The following NRG3 variants were observed in gnomAD, a reference collection of about 807,000 sequenced individuals.
NRG3 encodes the protein neuregulin 3, also known as pro-neuregulin-3, membrane-bound isoform.
Under a neutral mutation model 66.9 loss-of-function variants are expected in NRG3, and 31 were observed. The observed-to-expected ratio is 0.46, with a 90% CI of 0.35 to 0.63. The LOEUF (loss-of-function observed/expected upper bound fraction) is 0.63, where lower values mean the gene tolerates loss of function less well. Ranked by LOEUF, NRG3 falls within the 20% of genes least tolerant of loss-of-function variation. NRG3 has a pLI of 0.00. For synonymous variants in NRG3, 393 were observed against 359.4 expected (o/e 1.09, Z -1.06); for missense variants, 910 against 878.9 (o/e 1.04, Z -0.45).
chr10:82,523,530 A>T (rs1846405224), intron 2 of NRG3, among the ~76,000 whole-genome samples: 2 of 151,962 alleles, frequency 1.3e-5, no homozygotes. Flanking sequence ...TCTTTGGGTG[A>T]ATATCGATTC....
intron 1 of NRG3, among the ~76,000 whole-genome samples, chr10:82,102,139 T>TATATATATATGTGTGTATTC (rs1554825298): frequency 0.034 from 927 of 27,376 alleles, 52 homozygotes; most frequent in East Asian, 0.11. Context: ...TATTCATATA[T>TATATATATATGTGTGTATTC]ATATATATAT....
At chr10:82,818,171 G>T (rs1044007065) in intron 3 of NRG3, among the ~76,000 whole-genome samples, 1 of 152,216 alleles carries the variant, frequency 6.6e-6, no homozygotes, top group Non-Finnish European at 1.5e-5. Flanking sequence ...TAACTTCTGG[G>T]TGTTGCCATG....
At chr10:81,958,868 G>A (rs1850089540) in intron 1 of NRG3, among the ~76,000 whole-genome samples, 1 of 152,016 alleles carries the variant, frequency 6.6e-6, no homozygotes. Flanking sequence ...TCCAGCTGGG[G>A]CAACAGAGTG....
chr10:82,295,269 A>C (rs776041780), intron 1 of NRG3, among the ~76,000 whole-genome samples: 1 of 152,220 alleles, frequency 6.6e-6, no homozygotes. Flanking sequence ...TTTAAGATGT[A>C]GATGGGATTC....
At chr10:82,178,955 T>G (rs1346349070) in intron 1 of NRG3, among the ~76,000 whole-genome samples, 1 of 152,076 alleles carries the variant, frequency 6.6e-6, no homozygotes, top group African/African-American at 2.4e-5. Context: ...AAGTGATATC[T>G]CATTATAATT....
At chr10:82,519,127 T>C (rs1418099069) in intron 2 of NRG3, among the ~76,000 whole-genome samples, 9 of 152,182 alleles carry the variant, frequency 5.9e-5, no homozygotes, top group East Asian at 1.9e-4. Flanking sequence ...AGGTGGAGTT[T>C]ACATGGCAGG....
chr10:82,714,300 T>C (rs976355970), intron 2 of NRG3, among the ~76,000 whole-genome samples: 1 of 151,940 alleles, frequency 6.6e-6, no homozygotes, highest in Non-Finnish European at 1.5e-5. Context: ...ATACTCACCA[T>C]GTTAAAAAAA....
chr10:82,774,683 A>T, intron 3 of NRG3, among the ~76,000 whole-genome samples: 1 of 150,302 alleles, frequency 6.7e-6, no homozygotes, highest in African/African-American at 2.5e-5. Context: ...GTCTAGTTAG[A>T]TGTTTTTTGA....
chr10:82,610,619 T>C (rs1380427173), intron 2 of NRG3, among the ~76,000 whole-genome samples: 3 of 152,154 alleles, frequency 2.0e-5, no homozygotes, highest in African/African-American at 7.2e-5. Context: ...GTACCCCTAA[T>C]ACTTAAAGCA....
At chr10:82,443,816 G>T (rs2090567115) in intron 2 of NRG3, among the ~76,000 whole-genome samples, 1 of 152,178 alleles carries the variant, frequency 6.6e-6, no homozygotes, top group Non-Finnish European at 1.5e-5. Context: ...TGGGCCAGTT[G>T]TCTTCAAACC....
intron 2 of NRG3, among the ~76,000 whole-genome samples, chr10:82,707,095 C>A (rs1322321939): frequency 6.7e-6 from 1 of 148,274 alleles, no homozygotes; most frequent in Non-Finnish European, 1.5e-5. Flanking sequence ...AAAATGAATA[C>A]TTTTGTACTC....
intron 1 of NRG3, among the ~76,000 whole-genome samples, chr10:81,911,747 C>CA (rs777076264): frequency 6.7e-6 from 1 of 149,016 alleles, no homozygotes; most frequent in African/African-American, 2.5e-5. Context: ...ACACACACAC[C>CA]CCAAACCCGA....
At chr10:82,216,556 A>C (rs2075692129) in intron 1 of NRG3, among the ~76,000 whole-genome samples, 2 of 147,980 alleles carry the variant, frequency 1.4e-5, no homozygotes. Flanking sequence ...ATGTATACAT[A>C]TGTATGTATA....
chr10:82,358,727 T>C lies in NRG3; in HGVS notation c.824-12T>C. On this transcript the variant is annotated splice_polypyrimidine_tract_variant and intron_variant, in intron 1 of 8. Coordinates refer to ENST00000372141, the MANE Select transcript of NRG3 (RefSeq NM_001010848.4). ...CTGCTGACAGCGTTTCCCCCTGTGC[T>C]TTCCCTGACAGATACGACGACATAT... 6.2e-7 allele frequency: 1 copy of C among 1,614,066 alleles called. No individual in the cohort carries two copies. Among genetic ancestry groups the C allele is most frequent in the Non-Finnish European group, 8.5e-7 (1 of 1,179,970 alleles).
chr10:82,114,254 G>T (rs1463478364), intron 1 of NRG3, among the ~76,000 whole-genome samples: 3 of 151,942 alleles, frequency 2.0e-5, no homozygotes, highest in African/African-American at 4.8e-5. Context: ...ACACCTTTTG[G>T]CTATTATGAA....
intron 3 of NRG3, among the ~76,000 whole-genome samples, chr10:82,814,242 C>T (rs911289230): frequency 2.0e-5 from 3 of 152,176 alleles, no homozygotes; most frequent in Non-Finnish European, 4.4e-5. Context: ...TTTGTATACA[C>T]TATTGAGTTA....
chr10:82,000,504 A>C (rs1054241696), intron 1 of NRG3, among the ~76,000 whole-genome samples: 1 of 152,166 alleles, frequency 6.6e-6, no homozygotes, highest in Non-Finnish European at 1.5e-5. Context: ...AAGCAGGGTC[A>C]TGTATCACCC....
chr10:82,860,252 T>G (rs916080233), intron 3 of NRG3, among the ~76,000 whole-genome samples: 2 of 152,170 alleles, frequency 1.3e-5, no homozygotes, highest in African/African-American at 4.8e-5. Context: ...TAGCTTATAT[T>G]TGGCACTTCA....
At chr10:82,103,986 T>TA in intron 1 of NRG3, among the ~76,000 whole-genome samples, 1 of 150,944 alleles carries the variant, frequency 6.6e-6, no homozygotes, top group East Asian at 1.9e-4. Flanking sequence ...TTTTTTTTTT[T>TA]AATTTTTATA....
Sources: gnomAD v4.1 joint callset for allele counts (sites outside exome capture counted in the v4.1 genomes callset) on GRCh38, gnomAD v4.1.1 for gene constraint, MANE v1.5 for transcripts, NCBI Gene and HGNC (gene_info 2026-07-23, HGNC 2026-07-21) for gene names.